PTPRR: variants seen among roughly 807,000 people sequenced by gnomAD.
The protein encoded by PTPRR is protein tyrosine phosphatase receptor type R, also known as receptor-type tyrosine-protein phosphatase R.
PTPRR carries 38 observed loss-of-function variants against 77.2 expected under a neutral mutation model. The ratio of observed to expected loss-of-function variants is 0.49; its 90% CI spans 0.38 to 0.65. The LOEUF (loss-of-function observed/expected upper bound fraction) is 0.65, where lower values mean the gene tolerates loss of function less well. PTPRR is among the 30% of genes least tolerant of loss of function. The pLI is 0.00. For missense variants in PTPRR, 744 were observed against 799.2 expected (o/e 0.93, Z 0.83); for synonymous variants, 299 against 283.1 (o/e 1.06, Z -0.57).
At chr12:70,807,551 T>C (rs1249847852) in intron 2 of PTPRR, among the ~76,000 whole-genome samples, 1 of 152,238 alleles carries the variant, frequency 6.6e-6, no homozygotes, top group Admixed American at 6.5e-5. Flanking sequence ...TCAGTATATT[T>C]TAAATTCCTT....
intron 2 of PTPRR, among the ~76,000 whole-genome samples, chr12:70,768,961 C>G (rs552182341): frequency 6.6e-5 from 10 of 151,038 alleles, no homozygotes; most frequent in Admixed American, 4.6e-4. Flanking sequence ...ATTCAACAAC[C>G]CTTCATGCTA....
intron 2 of PTPRR, among the ~76,000 whole-genome samples, chr12:70,826,545 A>C (rs1892112327): frequency 2.0e-5 from 3 of 152,216 alleles, no homozygotes; most frequent in Admixed American, 1.3e-4. Flanking sequence ...GGATGCATAC[A>C]GCTAGGCACA....
chr12:70,643,664 C>T (rs943955249), intron 13 of PTPRR, among the ~76,000 whole-genome samples: 2 of 152,114 alleles, frequency 1.3e-5, no homozygotes, highest in Admixed American at 6.5e-5. Flanking sequence ...GCTCTTAGGT[C>T]AGATAGGTTT....
chr12:70,641,961 T>TTC (rs1393953776), intron 13 of PTPRR, among the ~76,000 whole-genome samples: 1 of 152,220 alleles, frequency 6.6e-6, no homozygotes, highest in African/African-American at 2.4e-5. Flanking sequence ...CACTCAATAT[T>TTC]TCTGTACAGC....
intron 2 of PTPRR, among the ~76,000 whole-genome samples, chr12:70,826,968 T>C (rs1446943914): frequency 1.3e-5 from 2 of 152,248 alleles, no homozygotes; most frequent in East Asian, 3.9e-4. Context: ...TCTTCCACCC[T>C]CCTAGAATGT....
chr12:70,835,410 T>C (rs1239052773), intron 2 of PTPRR, among the ~76,000 whole-genome samples: 6 of 152,078 alleles, frequency 3.9e-5, no homozygotes. Context: ...CAGTTTCAGG[T>C]ATAATTCCTG....
At position 70,641,920 on chromosome 12, in the gene PTPRR, C is replaced by A. The variant is rs1886018145; in HGVS notation, c.1881-2643G>T. On this transcript the variant is annotated intron_variant, in intron 13 of 13. Coordinates refer to ENST00000283228, the MANE Select transcript of PTPRR (RefSeq NM_002849.4). ...AAAACAGCCATCAAAGTCCTATAATCTTTTCTTCTTTAGACTAAACATCCT... is the reference window on the plus strand; with the variant it reads ...AAAACAGCCATCAAAGTCCTATAATATTTTCTTCTTTAGACTAAACATCCT... Among the ~76,000 whole-genome samples the A allele has an allele frequency of 2.6e-5, 4 of 152,192 alleles. No homozygotes were observed. In the South Asian group the frequency reaches 8.3e-4, roughly 31 times the overall value.
At chr12:70,741,205 T>C (rs1209737801) in intron 6 of PTPRR, among the ~76,000 whole-genome samples, 1 of 152,216 alleles carries the variant, frequency 6.6e-6, no homozygotes, top group Non-Finnish European at 1.5e-5. Flanking sequence ...TTATGTTCTA[T>C]ATGTAACAGA....
chr12:70,840,289 T>A (rs2467006), intron 2 of PTPRR, among the ~76,000 whole-genome samples: 103,134 of 151,896 alleles, frequency 0.68, 36,263 homozygotes, highest in African/African-American at 0.87. Flanking sequence ...CAGAATAGCC[T>A]TGCTATGTTC....
intron 12 of PTPRR, 35 bp from the exon 13 acceptor site, chr12:70,656,852 G>A (rs761690467): frequency 2.2e-6 from 3 of 1,380,928 alleles, no homozygotes; most frequent in African/African-American, 1.4e-5. Flanking sequence ...AAAAAGTGGG[G>A]GAAAATGACA....
chr12:70,638,731 C>T lies in PTPRR; in HGVS notation c.*453G>A, dbSNP rs1269743620. On this transcript the variant is annotated 3_prime_UTR_variant, in exon 14 of 14. Coordinates refer to ENST00000283228, the MANE Select transcript of PTPRR (RefSeq NM_002849.4). ...CTGGTAACTGAGAAAGGTAATAGCACTTCAAAACAGGAACAGTTTAACAGC... is the reference window on the plus strand; with the variant it reads ...CTGGTAACTGAGAAAGGTAATAGCATTTCAAAACAGGAACAGTTTAACAGC... 6.5e-6 allele frequency: 1 copy of T among 152,800 alleles called. No homozygotes were observed. Among genetic ancestry groups the T allele is most frequent in the East Asian group, 1.9e-4 (1 of 5,210 alleles). The allele number at this position is 152,800 out of a possible 1,614,324, so 9.5% of individuals were successfully genotyped here. A position where few individuals can be genotyped will look rare whatever the true frequency, so the allele number is the denominator to read the frequency against.
At chr12:70,758,402 T>C (rs1890611179) in intron 4 of PTPRR, among the ~76,000 whole-genome samples, 1 of 147,198 alleles carries the variant, frequency 6.8e-6, no homozygotes, top group African/African-American at 2.7e-5. Context: ...TCTTTTGGTT[T>C]GCAAATCTGA....
chr12:70,754,773 A>C, intron 4 of PTPRR: 1 of 1,511,210 alleles, frequency 6.6e-7, no homozygotes, highest in Non-Finnish European at 8.8e-7. Context: ...AAATACAGCA[A>C]CAATGCCAGC....
intron 1 of PTPRR, among the ~76,000 whole-genome samples, chr12:70,902,420 C>T (rs1480373694): frequency 6.6e-6 from 1 of 151,674 alleles, no homozygotes; most frequent in Non-Finnish European, 1.5e-5. Context: ...AACCCAAATG[C>T]CCGTCAATCA....
intron 1 of PTPRR, among the ~76,000 whole-genome samples, chr12:70,916,071 G>T (rs988270560): frequency 1.3e-5 from 2 of 152,094 alleles, no homozygotes; most frequent in Admixed American, 6.5e-5. Context: ...AAAATATATT[G>T]TATGTTGGGT....
At position 70,788,467 on chromosome 12, in the gene PTPRR, A is replaced by G. The variant is rs537394914; in HGVS notation, c.358-23689T>C. 6.6e-5 allele frequency among the ~76,000 whole-genome samples: 10 copies of G among 152,330 alleles called. No homozygotes were observed. In the East Asian group the frequency reaches 1.9e-3, roughly 29 times the overall value. Reference sequence around the variant, plus strand: ...CAGTGTGGGAACCACACTAAACAAAACAAAGAAAATATCTGCTCCACTCAA... The same window carrying G: ...CAGTGTGGGAACCACACTAAACAAAGCAAAGAAAATATCTGCTCCACTCAA... On this transcript the variant is annotated intron_variant, in intron 2 of 13. Coordinates refer to ENST00000283228, the MANE Select transcript of PTPRR (RefSeq NM_002849.4).
In PTPRR at chr12:70,763,194, T is replaced by C. The variant is rs565091257; in HGVS notation, c.471+1471A>G. Among the ~76,000 whole-genome samples, 77 of 152,166 alleles carry C rather than the reference T, an allele frequency of 5.1e-4. No individual in the cohort carries two copies. The South Asian group carries it at 0.013, about 27-fold the overall frequency. The stretch of plus-strand genomic sequence containing the variant: ...TCCAGGCTGGAGTGCCATGGAGTGA[T>C]CTCTGCTCACTGCAACTTCCACCTC... On this transcript the variant is annotated intron_variant, in intron 3 of 13. Transcript: ENST00000283228.
chr12:70,682,750 G>C (rs757065155), intron 10 of PTPRR, among the ~76,000 whole-genome samples: 5 of 152,122 alleles, frequency 3.3e-5, no homozygotes, highest in Non-Finnish European at 5.9e-5. Context: ...GGAATTGTCA[G>C]TGGCTTAATA....
chr12:70,903,432 A>G (rs1011342257), intron 1 of PTPRR, among the ~76,000 whole-genome samples: 1 of 151,944 alleles, frequency 6.6e-6, no homozygotes, highest in Non-Finnish European at 1.5e-5. Flanking sequence ...ATAAAATTTA[A>G]AAAATGAATT....
Sources: gnomAD v4.1 joint callset for allele counts (sites outside exome capture counted in the v4.1 genomes callset) on GRCh38, gnomAD v4.1.1 for gene constraint, MANE v1.5 for transcripts, NCBI Gene and HGNC (gene_info 2026-07-23, HGNC 2026-07-21) for gene names.